Variants in TRAF7 observed in about 807,000 individuals in gnomAD.
TRAF7 encodes the protein E3 ubiquitin-protein ligase TRAF7.
Under a neutral mutation model 89.3 loss-of-function variants are expected in TRAF7, and 45 were observed. The observed-to-expected ratio is 0.50, with a 90% CI of 0.40 to 0.65. The LOEUF is 0.65. TRAF7 is among the 30% of genes least tolerant of loss of function. The pLI is 0.00. For missense variants in TRAF7, 677 were observed against 918.1 expected (o/e 0.74, Z 3.39); for synonymous variants, 406 against 369.2 (o/e 1.10, Z -1.14).
Position 2,160,201 on chromosome 16 carries a change from A to C in TRAF7, c.-38-3682A>C, listed in dbSNP as rs561222706. On this transcript the variant is annotated intron_variant, in intron 1 of 20. Coordinates refer to ENST00000326181, the MANE Select transcript of TRAF7 (RefSeq NM_032271.3). ...GACCCTGGGCCTGAATCCCAGATTC[A>C]GGCGAGGTCAGGGAGGGGCTGCCCT... 2.0e-5 allele frequency among the ~76,000 whole-genome samples: 3 copies of C among 152,132 alleles called. No homozygotes were observed. The South Asian group carries it at 6.2e-4, about 32-fold the overall frequency.
chr16:2,174,992 C>T, intron 14 of TRAF7, 119 bp from the exon 15 acceptor site: 1 of 1,275,250 alleles, frequency 7.8e-7, no homozygotes, highest in Non-Finnish European at 1.1e-6. Context: ...CAGCAGTGGC[C>T]TTGGCCCTGG....
At chr16:2,172,716 G>C in intron 9 of TRAF7, 117 bp downstream of exon 9, 2 of 1,278,704 alleles carry the variant, frequency 1.6e-6, no homozygotes, top group Non-Finnish European at 2.1e-6. Context: ...GCCACACCGG[G>C]GTCTGTAATC....
intron 11 of TRAF7, 101 bp from the exon 12 acceptor site, chr16:2,173,687 C>T (rs1596678371): frequency 4.4e-6 from 7 of 1,577,274 alleles, no homozygotes; most frequent in Non-Finnish European, 6.1e-6. Context: ...GCTGCTGTCA[C>T]CCCTGCCCAC....
intron 1 of TRAF7, among the ~76,000 whole-genome samples, chr16:2,156,590 A>G (rs258282): frequency 0.78 from 118,396 of 151,876 alleles, 47,521 homozygotes; most frequent in East Asian, 1. Flanking sequence ...GTCCCAGGAC[A>G]TGCAGGAGGA....
At chr16:2,175,738 G>A in intron 17 of TRAF7, 96 bp from the exon 18 acceptor site, 1 of 1,589,340 alleles carries the variant, frequency 6.3e-7, no homozygotes. Context: ...CTGGCTGGGT[G>A]GGTGGGCTGC....
rs779569964 is a variant in TRAF7 at position 2,175,101 on chromosome 16, G to A, written c.1347-10G>A. The A allele has an allele frequency of 5.8e-5, 93 of 1,613,734 alleles. No individual in the cohort carries two copies. Among genetic ancestry groups the A allele is most frequent in the Non-Finnish European group, 7.5e-5 (88 of 1,179,960 alleles). ...TCTCCCACCTTGACACATTGTCTCT[G>A]CTTCCCCAGGTGCAAACTCTACAGC... On this transcript the variant is annotated splice_polypyrimidine_tract_variant and intron_variant, in intron 14 of 20. Transcript: ENST00000326181.
chr16:2,171,600 A>G lies in TRAF7; in HGVS notation c.470A>G (p.Lys157Arg), dbSNP rs2093111124. Residue 157 changes from lysine (K) to arginine (R), a missense_variant, in exon 7 of 21, where the codon AAG becomes AGG. Physicochemically the swap from Lys to Arg is conservative, Grantham distance 26. Around this residue, in one of 6 missense-constraint regions of TRAF7, gnomAD observed 238 missense variants for 352.6 expected, o/e 0.67. Transcript: ENST00000326181. ...ACGTTCTGTAGGAGATGCGCCTTGA[A>G]GTCAGGTAGGTTTGTGCCCCGGCCC... is the stretch of plus-strand genomic sequence containing the variant. ...GHTFCRRCAL[K>R]SEKCPVDNVK... is the part of the protein sequence containing the mutation. 1 of 1,613,120 alleles carries G rather than the reference A, an allele frequency of 6.2e-7. No homozygotes were observed. The highest frequency in any genetic ancestry group is 1.3e-5 in the African/African-American group (1 of 74,912).
chr16:2,160,355 C>T (rs1231539724), intron 1 of TRAF7, among the ~76,000 whole-genome samples: 1 of 151,962 alleles, frequency 6.6e-6, no homozygotes, highest in East Asian at 1.9e-4. Context: ...TGCGCTTCCT[C>T]AATGACTTTT....
At chr16:2,156,359 T>A (rs528676078) in intron 1 of TRAF7, among the ~76,000 whole-genome samples, 11 of 152,298 alleles carry the variant, frequency 7.2e-5, no homozygotes, top group African/African-American at 2.6e-4. Flanking sequence ...TCAATTGCGA[T>A]AACAAATGTC....
At position 2,173,249 on chromosome 16, in the gene TRAF7, A is replaced by G; in HGVS notation, c.862A>G (p.Lys288Glu). Residue 288 changes from lysine to glutamate, a missense_variant, in exon 10 of 21, where the codon AAG (lysine) becomes GAG (glutamate). Lys to Glu is a moderately conservative substitution (Grantham distance 56). Transcript: ENST00000326181. ...GGAGACTTGCCGCTTCGAGGGCCTG[A>G]AGGAGTTTCTGCAGCAGACGGATGA... is the stretch of plus-strand genomic sequence containing the variant. Reference protein sequence around the residue: ...HLETCRFEGLKEFLQQTDDRF... With the variant: ...HLETCRFEGLEEFLQQTDDRF... 6.2e-7 allele frequency: 1 copy of G among 1,613,282 alleles called. No individual in the cohort carries two copies. Among genetic ancestry groups the G allele is most frequent in the Non-Finnish European group, 8.5e-7 (1 of 1,179,950 alleles).
chr16:2,172,430 T>C (rs1312996763), intron 8 of TRAF7, 35 bp from the exon 9 acceptor site: 1 of 1,610,814 alleles, frequency 6.2e-7, no homozygotes, highest in South Asian at 1.1e-5. Context: ...CTCAGGGCTC[T>C]GGCTGAGGCC....
rs573104368 is a variant in TRAF7, at chr16:2,158,159, G to A, written c.-39+2301G>A. On this transcript the variant is annotated intron_variant, in intron 1 of 20. Coordinates refer to ENST00000326181, the MANE Select transcript of TRAF7 (RefSeq NM_032271.3). The surrounding 1 kb of genome is among the most constrained non-coding windows in gnomAD (Gnocchi z 4.7). ...TCAGGGAGGGCATGTGGGGAGGGCCGAGAGCTGTTGGCTGCGTGTGTCTCA... is the reference window on the plus strand; with the variant it reads ...TCAGGGAGGGCATGTGGGGAGGGCCAAGAGCTGTTGGCTGCGTGTGTCTCA... Among the ~76,000 whole-genome samples the A allele has an allele frequency of 1.5e-4, 23 of 152,284 alleles. No homozygotes were observed. Among genetic ancestry groups the A allele is most frequent in the African/African-American group, 4.8e-4 (20 of 41,554 alleles).
chr16:2,170,728 C>G lies in TRAF7; in HGVS notation c.346C>G (p.Pro116Ala), dbSNP rs1210153635. 1.9e-6 allele frequency: 3 copies of G among 1,596,944 alleles called. No homozygotes were observed. Among genetic ancestry groups the G allele is most frequent in the Non-Finnish European group, 2.6e-6 (3 of 1,172,304 alleles). The change falls in exon 5 of 21, where the codon CCG becomes GCG. Residue 116 changes from proline (P) to alanine (A), a missense_variant and splice_region_variant. Pro to Ala is a conservative substitution (Grantham distance 27). Transcript: ENST00000326181. Reference protein sequence around the residue: ...TFSLPEEEEEPEPLVFAEQPS... With the variant: ...TFSLPEEEEEAEPLVFAEQPS... ...CTCACTGCCCGAGGAGGAGGAGGAG[C>G]CGGTAGGTGTGGGGGACTCGGCGCA... is the stretch of plus-strand genomic sequence containing the variant.
chr16:2,168,192 C>G lies in TRAF7; in HGVS notation c.231+24C>G. The stretch of plus-strand genomic sequence containing the variant: ...TGGTAGGTCCCTACCCCCAGGAGCC[C>G]GTGTGAGCCTCAGCCTCCCCCCATC... On this transcript the variant is annotated intron_variant, in intron 4 of 20. Transcript: ENST00000326181. The surrounding 1 kb of genome is among the most constrained non-coding windows in gnomAD (Gnocchi z 4.1). 1 of 1,588,378 alleles carries G rather than the reference C, an allele frequency of 6.3e-7. No homozygotes were observed. The highest frequency in any genetic ancestry group is 1.1e-5 in the South Asian group (1 of 88,424).
At chr16:2,174,415 C>A in intron 14 of TRAF7, 82 bp downstream of exon 14, 1 of 1,397,372 alleles carries the variant, frequency 7.2e-7, no homozygotes, top group Admixed American at 1.9e-5. Flanking sequence ...GAGCCATGAG[C>A]TCGAGCCTGT....
At chr16:2,172,894 T>G (rs1010304702) in intron 9 of TRAF7, among the ~76,000 whole-genome samples, 7 of 152,164 alleles carry the variant, frequency 4.6e-5, no homozygotes, top group African/African-American at 1.7e-4. Flanking sequence ...AGGAGCCCAG[T>G]TCTTCAGGGC....
In TRAF7 at chr16:2,175,331, A is replaced by G. The variant is rs2093130980; in HGVS notation, c.1417A>G (p.Asn473Asp). ...GGACATCCAGAACCTGCAGAAGGTG[A>G]ACACCATCCGGGCCCATGACAACCC... ...VWDIQNLQKV[N>D]TIRAHDNPVC... The change falls in exon 16 of 21, where the codon AAC (asparagine) becomes GAC (aspartate). Residue 473 changes from asparagine to aspartate, a missense_variant. Coordinates refer to ENST00000326181, the MANE Select transcript of TRAF7 (RefSeq NM_032271.3). The G allele has an allele frequency of 6.2e-7, 1 of 1,613,490 alleles. No homozygotes were observed. Among genetic ancestry groups the G allele is most frequent in the South Asian group, 1.1e-5 (1 of 91,082 alleles).
At chr16:2,174,159 C>A in intron 13 of TRAF7, 92 bp from the exon 14 acceptor site, 1 of 1,593,948 alleles carries the variant, frequency 6.3e-7, no homozygotes, top group Non-Finnish European at 8.6e-7. Context: ...GGCCCTCTCC[C>A]ATGGGCGGGG....
Position 2,175,499 on chromosome 16 carries a change from G to T in TRAF7, c.1504-1G>T. ...GCCCACAGTTGCAGCAATCCCTGCA[G>T]GTCTGGGACATCGTGGGCACTGAGC... On this transcript the variant is annotated splice_acceptor_variant, in intron 16 of 20. Coordinates refer to ENST00000326181, the MANE Select transcript of TRAF7 (RefSeq NM_032271.3). LOFTEE classifies it high-confidence loss of function. 1 of 1,613,402 alleles carries T rather than the reference G, an allele frequency of 6.2e-7. No homozygotes were observed. Among genetic ancestry groups the T allele is most frequent in the Non-Finnish European group, 8.5e-7 (1 of 1,179,948 alleles).
Sources: gnomAD v4.1 joint callset for allele counts (sites outside exome capture counted in the v4.1 genomes callset) on GRCh38, gnomAD v4.1.1 for gene constraint, gnomAD v4.1.1 regional missense constraint, Gnocchi (gnomAD v3.1) non-coding constraint, MANE v1.5 for transcripts, NCBI Gene and HGNC (gene_info 2026-07-23, HGNC 2026-07-21) for gene names.